The following GALK2 variants were observed in gnomAD, a reference collection of about 807,000 sequenced individuals.
The protein encoded by GALK2 is N-acetylgalactosamine kinase.
Under a neutral mutation model 52.4 loss-of-function variants are expected in GALK2, and 36 were observed. The observed-to-expected ratio is 0.69, with a 90% CI of 0.53 to 0.91. The LOEUF is 0.91. Ranked by LOEUF, GALK2 falls within the 40% of genes least tolerant of loss-of-function variation. The probability of loss-of-function intolerance (pLI) is 0.00; values close to 1 mark genes in which losing one functional copy is unlikely to be tolerated. For missense variants in GALK2, 579 were observed against 559.1 expected (o/e 1.04, Z -0.36); for synonymous variants, 176 against 199.1 (o/e 0.88, Z 0.98).
chr15:49,322,217 G>C (rs1445447374), intron 9 of GALK2, among the ~76,000 whole-genome samples: 1 of 152,232 alleles, frequency 6.6e-6, no homozygotes, highest in East Asian at 1.9e-4. Flanking sequence ...TTCATTTGCT[G>C]TATTTATTTT....
intron 1 of GALK2, chr15:49,198,893 T>C (rs2087483557): frequency 7.0e-6 from 1 of 142,538 alleles, no homozygotes; most frequent in South Asian, 2.5e-4. Context: ...TTCTTTCCTT[T>C]TTTTCCAAAG....
At chr15:49,226,280 C>T (rs2090131535) in intron 3 of GALK2, among the ~76,000 whole-genome samples, 1 of 152,096 alleles carries the variant, frequency 6.6e-6, no homozygotes, top group Non-Finnish European at 1.5e-5. Flanking sequence ...AGTGGGTTGC[C>T]CCACTATCCC....
chr15:49,258,777 C>CATAT (rs144138275), intron 5 of GALK2, among the ~76,000 whole-genome samples: 5 of 134,594 alleles, frequency 3.7e-5, no homozygotes, highest in Admixed American at 7.5e-5. Context: ...TATTTGGAAG[C>CATAT]ATATATATAT....
chr15:49,227,900 G>C (rs941723073), intron 3 of GALK2, among the ~76,000 whole-genome samples: 1 of 151,882 alleles, frequency 6.6e-6, no homozygotes, highest in African/African-American at 2.4e-5. Context: ...TTGCTTGTAG[G>C]TTCAGCCCAT....
Position 49,331,857 on chromosome 15 carries a change from T to C in GALK2, c.*3698T>C, listed in dbSNP as rs776165143. On this transcript the variant is annotated 3_prime_UTR_variant, in exon 10 of 10. Coordinates refer to ENST00000560031, the MANE Select transcript of GALK2 (RefSeq NM_002044.4). ...GTAGCCTTTGCTTGGAGTCTAATCA[T>C]GGAATAAAGAAAATCAGTAACCAAA... 8 of 1,583,376 alleles carry C rather than the reference T, an allele frequency of 5.1e-6. No individual in the cohort carries two copies. The South Asian group carries it at 6.6e-5, about 13-fold the overall frequency.
chr15:49,240,562 G>A (rs1595796517), intron 5 of GALK2, among the ~76,000 whole-genome samples: 1 of 152,120 alleles, frequency 6.6e-6, no homozygotes, highest in African/African-American at 2.4e-5. Flanking sequence ...AGAGAGCATA[G>A]GACATCTAAA....
intron 1 of GALK2, chr15:49,158,905 A>T (rs935152567): frequency 6.6e-6 from 1 of 152,276 alleles, no homozygotes; most frequent in African/African-American, 2.4e-5. Flanking sequence ...AGCTTACTGC[A>T]GCCTCGAACT....
chr15:49,248,029 G>A (rs1458717232), intron 5 of GALK2, among the ~76,000 whole-genome samples: 1 of 152,138 alleles, frequency 6.6e-6, no homozygotes, highest in East Asian at 1.9e-4. Flanking sequence ...AAAGTTCTGT[G>A]CCAAATATGT....
chr15:49,157,832 T>G (rs1411474803), intron 1 of GALK2, among the ~76,000 whole-genome samples: 1 of 152,136 alleles, frequency 6.6e-6, no homozygotes, highest in African/African-American at 2.4e-5. Flanking sequence ...GTGTGTGAGT[T>G]TAGCTCTGCC....
chr15:49,278,236 G>C (rs73394331), intron 5 of GALK2, among the ~76,000 whole-genome samples: 4 of 152,076 alleles, frequency 2.6e-5, no homozygotes, highest in African/African-American at 9.7e-5. Flanking sequence ...ACTCCAGCCC[G>C]GGCGACAGAG....
Position 49,290,369 on chromosome 15 carries a change from TG to T in GALK2, c.757-1956del, listed in dbSNP as rs1380387504. 3.9e-5 allele frequency among the ~76,000 whole-genome samples: 6 copies of T among 152,336 alleles called. No homozygotes were observed. In the East Asian group the frequency reaches 1.2e-3, roughly 29 times the overall value. On this transcript the variant is annotated intron_variant, in intron 7 of 9. Transcript: ENST00000560031. ...TGAAATACACACCAAATTGGCTGTG[TG>T]GATTCTCCAGCTGAGGGCTCACTGG...
chr15:49,201,323 T>A lies in GALK2; in HGVS notation c.142+73T>A. The A allele has an allele frequency of 3.8e-6, 3 of 787,414 alleles. No homozygotes were observed. In the South Asian group the frequency reaches 5.2e-5, roughly 14 times the overall value. The allele number at this position is 787,414 out of a possible 1,614,324, so 48.8% of individuals were successfully genotyped here. A position where few individuals can be genotyped will look rare whatever the true frequency, so the allele number is the denominator to read the frequency against. On this transcript the variant is annotated intron_variant, in intron 2 of 9. Transcript: ENST00000560031. ...AGATCTAAATTTTTAAAAATATATT[T>A]CTTTCTTAATTTTTCCCAAAATAGA...
At chr15:49,206,682 A>G (rs2088315644) in intron 2 of GALK2, among the ~76,000 whole-genome samples, 1 of 152,134 alleles carries the variant, frequency 6.6e-6, no homozygotes, top group Non-Finnish European at 1.5e-5. Flanking sequence ...TGTGTACATT[A>G]ATCTTGTATC....
In GALK2 at chr15:49,226,041, T is replaced by G. The variant is rs1595739485; in HGVS notation, c.266+8728T>G. ...CACTGGAAAGTCAGCCCTGTTCTCT[T>G]GACCCAGTGGTCAACTGGGGTTAGA... On this transcript the variant is annotated intron_variant, in intron 3 of 9. Transcript: ENST00000560031. 3.3e-5 allele frequency among the ~76,000 whole-genome samples: 5 copies of G among 152,338 alleles called. 1 individual carries two copies. The Middle Eastern group carries it at 0.01, about 311-fold the overall frequency.
intron 5 of GALK2, among the ~76,000 whole-genome samples, chr15:49,249,638 G>A (rs2091503479): frequency 6.6e-6 from 1 of 152,128 alleles, no homozygotes; most frequent in Non-Finnish European, 1.5e-5. Flanking sequence ...TAAAGTAGAG[G>A]TTCCTTTTCA....
chr15:49,335,719 A>G (rs1390189543), downstream of GALK2, among the ~76,000 whole-genome samples: 1 of 152,226 alleles, frequency 6.6e-6, no homozygotes, highest in African/African-American at 2.4e-5. Context: ...CAGCAACCAT[A>G]GGGCACTATG....
chr15:49,216,604 T>G (rs1003531570), intron 2 of GALK2, among the ~76,000 whole-genome samples: 1 of 152,234 alleles, frequency 6.6e-6, no homozygotes, highest in Non-Finnish European at 1.5e-5. Flanking sequence ...ACTTGTGGCC[T>G]GACAGCCACT....
intron 7 of GALK2, among the ~76,000 whole-genome samples, chr15:49,289,680 C>T (rs144772665): frequency 0.012 from 1,798 of 152,238 alleles, 19 homozygotes; most frequent in Middle Eastern, 0.031. Flanking sequence ...TGAAGCTCAG[C>T]GGGCCCAGAC....
At chr15:49,277,386 T>G (rs937811814) in intron 5 of GALK2, among the ~76,000 whole-genome samples, 6 of 142,656 alleles carry the variant, frequency 4.2e-5, no homozygotes, top group African/African-American at 1.5e-4. Flanking sequence ...GCCGGGATGG[T>G]CTCGATCTCC....
Sources: gnomAD v4.1 joint callset for allele counts (sites outside exome capture counted in the v4.1 genomes callset) on GRCh38, gnomAD v4.1.1 for gene constraint, MANE v1.5 for transcripts, NCBI Gene and HGNC (gene_info 2026-07-23, HGNC 2026-07-21) for gene names.